The following METAP1 variants were observed in gnomAD, a reference collection of about 807,000 sequenced individuals.
METAP1 encodes methionyl aminopeptidase 1.
A neutral mutation model predicts 53.8 loss-of-function variants in METAP1; 28 were observed. The ratio of observed to expected loss-of-function variants is 0.52; its 90% CI spans 0.39 to 0.71. The LOEUF (loss-of-function observed/expected upper bound fraction) is 0.71. Ranked by LOEUF, METAP1 falls within the 30% of genes least tolerant of loss-of-function variation. The pLI is 0.00. For synonymous variants in METAP1, 181 were observed against 165.7 expected, an observed-to-expected ratio of 1.09 and a Z score of -0.71; for missense variants, 389 against 479.8, an observed-to-expected ratio of 0.81 and a Z score of 1.77.
intron 1 of METAP1, among the ~76,000 whole-genome samples, chr4:98,998,968 G>A (rs773438463): frequency 6.6e-6 from 1 of 152,034 alleles, no homozygotes; most frequent in Non-Finnish European, 1.5e-5. Context: ...GCACCACCAC[G>A]CTCAGCTAAT....
chr4:99,057,701 A>G, intron 9 of METAP1, 52 bp from the exon 10 acceptor site: 6 of 1,361,926 alleles, frequency 4.4e-6, no homozygotes, highest in Non-Finnish European at 6.1e-6. Flanking sequence ...TAGCTGTTCA[A>G]CAGTACACTG....
At chr4:99,048,981 T>G in intron 9 of METAP1, 105 bp downstream of exon 9, 2 of 1,305,474 alleles carry the variant, frequency 1.5e-6, no homozygotes, top group Non-Finnish European at 2.1e-6. Context: ...GAGTAATCTC[T>G]TAGCTGTAAT....
In METAP1 at chr4:99,023,706, G is replaced by T; in HGVS notation, c.115-5161G>T. 2.0e-6 allele frequency: 2 copies of T among 985,424 alleles called. 1 individual carries two copies. Among genetic ancestry groups the T allele is most frequent in the South Asian group, 9.4e-5 (2 of 21,286 alleles). 61.0% of individuals were successfully genotyped at this position (985,424 alleles called of 1,614,324 possible). ...GAGGTTCAAGATGGGGAGATATGTT[G>T]TGAAGCCGTTGTAGTTTGGCAAGTC... is the stretch of plus-strand genomic sequence containing the variant. On this transcript the variant is annotated intron_variant, in intron 1 of 10. Coordinates refer to ENST00000296411, the MANE Select transcript of METAP1 (RefSeq NM_015143.3).
chr4:99,045,100 G>C (rs1726126022), intron 7 of METAP1, 79 bp from the exon 8 acceptor site: 1 of 1,409,738 alleles, frequency 7.1e-7, no homozygotes, highest in Non-Finnish European at 9.7e-7. Flanking sequence ...TAAGTTGCTA[G>C]ATGCTGTCAT....
At chr4:99,016,910 G>A (rs1723799659) in intron 1 of METAP1, among the ~76,000 whole-genome samples, 1 of 152,166 alleles carries the variant, frequency 6.6e-6, no homozygotes, top group Admixed American at 6.5e-5. Context: ...GGTTTGGAGA[G>A]CATCTCTCTC....
chr4:99,048,089 A>G (rs1201041439), intron 8 of METAP1, among the ~76,000 whole-genome samples: 1 of 152,186 alleles, frequency 6.6e-6, no homozygotes, highest in African/African-American at 2.4e-5. Context: ...ATATTAATAG[A>G]ATGGAACACT....
intron 1 of METAP1, among the ~76,000 whole-genome samples, chr4:99,019,758 C>T (rs574437372): frequency 6.8e-4 from 103 of 152,320 alleles, no homozygotes; most frequent in Non-Finnish European, 1.3e-3. Context: ...TTTTCCACCT[C>T]TCTATCTTTT....
intron 9 of METAP1, among the ~76,000 whole-genome samples, chr4:99,053,639 A>G (rs1233939381): frequency 6.6e-6 from 1 of 152,222 alleles, no homozygotes; most frequent in Non-Finnish European, 1.5e-5. Flanking sequence ...CAGAGGAATC[A>G]CTATCTACGG....
Position 99,045,452 on chromosome 4 carries a change from T to C in METAP1, c.787+142T>C, listed in dbSNP as rs955948054. 19 of 824,396 alleles carry C rather than the reference T, an allele frequency of 2.3e-5. No individual in the cohort carries two copies. The African/African-American group carries it at 3.3e-4, about 14-fold the overall frequency. The allele number at this position is 824,396 out of a possible 1,614,324, so 51.1% of individuals were successfully genotyped here. On this transcript the variant is annotated intron_variant, in intron 8 of 10. Transcript: ENST00000296411. ...AGTTAGCTTTGGTTGTTAGCAGTAA[T>C]GGGTAAAAGGATGATCTGGGAATCT... is the stretch of plus-strand genomic sequence containing the variant.
chr4:99,041,570 T>C (rs1414147212), intron 6 of METAP1, among the ~76,000 whole-genome samples: 1 of 151,892 alleles, frequency 6.6e-6, no homozygotes, highest in Non-Finnish European at 1.5e-5. Flanking sequence ...AATAAATAAA[T>C]AAAGATTGTC....
At chr4:99,019,540 T>C (rs1187381043) in intron 1 of METAP1, among the ~76,000 whole-genome samples, 2 of 152,204 alleles carry the variant, frequency 1.3e-5, no homozygotes, top group Admixed American at 6.5e-5. Flanking sequence ...CTTTATGACA[T>C]ATGCTGTGGT....
chr4:99,058,179 G>A (rs371944022), intron 10 of METAP1, among the ~76,000 whole-genome samples: 25 of 152,262 alleles, frequency 1.6e-4, no homozygotes, highest in African/African-American at 5.5e-4. Context: ...GCATTGACGA[G>A]CCACCCAGTT....
rs1727613387 is a variant in METAP1 at position 99,062,528 on chromosome 4, C to T, written c.*1211C>T. 6.6e-6 allele frequency: 1 copy of T among 152,652 alleles called. No individual in the cohort carries two copies. Among genetic ancestry groups the T allele is most frequent in the South Asian group, 2.1e-4 (1 of 4,832 alleles). The allele number at this position is 152,652 out of a possible 1,614,324, so 9.5% of individuals were successfully genotyped here. A position where few individuals can be genotyped will look rare whatever the true frequency, so the allele number is the denominator to read the frequency against. On this transcript the variant is annotated 3_prime_UTR_variant, in exon 11 of 11. Transcript: ENST00000296411. ...ATTGTCATTAGAGTGTACTTGATTA[C>T]TGGGCATCCTTGTAATATAATTTCA...
rs1727617933 is a variant in METAP1 at position 99,062,623 on chromosome 4, TATA to T, written c.*1312_*1314del. On this transcript the variant is annotated 3_prime_UTR_variant, in exon 11 of 11. Coordinates refer to ENST00000296411, the MANE Select transcript of METAP1 (RefSeq NM_015143.3). The stretch of plus-strand genomic sequence containing the variant: ...TGCCTCAGACCTTATTGCTTTAAAA[TATA>T]ATAATGTTTTCATTACTTTTATTAT... The T allele has an allele frequency of 6.6e-6, 1 of 152,658 alleles. No individual in the cohort carries two copies. Among genetic ancestry groups the T allele is most frequent in the Admixed American group, 6.5e-5 (1 of 15,268 alleles). The allele number at this position is 152,658 out of a possible 1,614,324, so 9.5% of individuals were successfully genotyped here.
intron 9 of METAP1, among the ~76,000 whole-genome samples, chr4:99,054,193 T>C (rs565048224): frequency 2.0e-5 from 3 of 152,332 alleles, no homozygotes; most frequent in South Asian, 2.1e-4. Context: ...TTGGTCTGCA[T>C]TGAAAATCTG....
chr4:99,041,615 A>G (rs1377345260), intron 6 of METAP1, among the ~76,000 whole-genome samples: 1 of 152,060 alleles, frequency 6.6e-6, no homozygotes, highest in Non-Finnish European at 1.5e-5. Context: ...ACCTTATTAG[A>G]TGAGTGTACA....
chr4:99,031,559 A>G (rs1037475), intron 2 of METAP1: 713,707 of 1,286,878 alleles, frequency 0.55, 203,240 homozygotes, highest in South Asian at 0.69. Flanking sequence ...CTTTGTGACC[A>G]TGGGTTATTC....
chr4:98,999,320 C>T (rs954692274), intron 1 of METAP1, among the ~76,000 whole-genome samples: 3 of 151,804 alleles, frequency 2.0e-5, no homozygotes, highest in South Asian at 4.1e-4. Context: ...GGCAAATAAC[C>T]TCTCTTTTTC....
intron 6 of METAP1, among the ~76,000 whole-genome samples, chr4:99,043,032 A>C (rs2110375811): frequency 6.6e-6 from 1 of 152,148 alleles, no homozygotes; most frequent in East Asian, 1.9e-4. Context: ...TCCTTTGTGC[A>C]GTTACCAGTA....
Sources: gnomAD v4.1 joint callset for allele counts (sites outside exome capture counted in the v4.1 genomes callset) on GRCh38, gnomAD v4.1.1 for gene constraint, MANE v1.5 for transcripts, NCBI Gene and HGNC (gene_info 2026-07-23, HGNC 2026-07-21) for gene names.